Variants in NRXN3 observed in about 807,000 individuals in gnomAD.
NRXN3 encodes neurexin 3.
A neutral mutation model predicts 137.6 loss-of-function variants in NRXN3; 32 were observed. The ratio of observed to expected loss-of-function variants is 0.23; its 90% CI spans 0.18 to 0.31. The LOEUF is 0.31. Among genes scored for constraint, NRXN3 ranks in the 10% least tolerant of loss-of-function variants. The pLI, the probability that NRXN3 is intolerant of heterozygous loss-of-function variation, is 1.00. For synonymous variants in NRXN3, 798 were observed against 784.5 expected (o/e 1.02, Z -0.29); for missense variants, 1,574 against 2,062.5 (o/e 0.76, Z 4.59).
chr14:78,532,225 G>A (rs1258806442), intron 4 of NRXN3, among the ~76,000 whole-genome samples: 1 of 151,600 alleles, frequency 6.6e-6, no homozygotes, highest in Non-Finnish European at 1.5e-5. Flanking sequence ...GGAGGCTGAG[G>A]CAGGAGAATC....
In NRXN3 at chr14:78,243,070, C is replaced by T. The variant is rs1050835406; in HGVS notation, c.-24C>T. ...GCTGTTCCCTGGCCTGTCTGCTCCTCCGGGCTCTGTCCCAGCAGCGACAAT... is the reference window on the plus strand; with the variant it reads ...GCTGTTCCCTGGCCTGTCTGCTCCTTCGGGCTCTGTCCCAGCAGCGACAAT... On this transcript the variant is annotated 5_prime_UTR_variant, in exon 2 of 21. Transcript: ENST00000335750. This position sits in a 1 kb window ranked among gnomAD's most constrained non-coding sequence, Gnocchi z 4.2. 8 of 1,481,356 alleles carry T rather than the reference C, an allele frequency of 5.4e-6. No homozygotes were observed. The African/African-American group carries it at 1.1e-4, about 21-fold the overall frequency. 91.8% of individuals were successfully genotyped at this position (1,481,356 alleles called of 1,614,324 possible). A position where few individuals can be genotyped will look rare whatever the true frequency, so the allele number is the denominator to read the frequency against.
chr14:78,824,080 A>G (rs1197902159), intron 10 of NRXN3, among the ~76,000 whole-genome samples: 1 of 149,606 alleles, frequency 6.7e-6, no homozygotes, highest in Non-Finnish European at 1.5e-5. Flanking sequence ...GCTAAAGACA[A>G]TAAAGAAATG....
At chr14:79,125,474 T>G (rs1055239321) in intron 15 of NRXN3, among the ~76,000 whole-genome samples, 1 of 152,208 alleles carries the variant, frequency 6.6e-6, no homozygotes, top group Non-Finnish European at 1.5e-5. Context: ...CTTGTCTTTA[T>G]TGAACAACAA....
chr14:78,433,090 G>A (rs1567575412), intron 4 of NRXN3, among the ~76,000 whole-genome samples: 2 of 152,094 alleles, frequency 1.3e-5, no homozygotes, highest in African/African-American at 2.4e-5. Flanking sequence ...TGCCTGGGTG[G>A]GCTCTTATCT....
chr14:78,665,088 G>A (rs1192453063), intron 6 of NRXN3, among the ~76,000 whole-genome samples: 1 of 152,144 alleles, frequency 6.6e-6, no homozygotes, highest in African/African-American at 2.4e-5. Context: ...TGACCCTATG[G>A]AATTCACATT....
chr14:78,329,276 A>G lies in NRXN3; in HGVS notation c.757+31416A>G, dbSNP rs989900964. ...TGCTGTTTCTAGTTTGAAAGTGTCA[A>G]TGGGTCCACAATTTTGAGGTTGAAT... On this transcript the variant is annotated intron_variant, in intron 4 of 20. Transcript: ENST00000335750. 1.4e-4 allele frequency among the ~76,000 whole-genome samples: 22 copies of G among 152,276 alleles called. No homozygotes were observed. In the East Asian group the frequency reaches 2.3e-3, roughly 16 times the overall value.
At chr14:79,322,191 A>G (rs1224981508) in intron 15 of NRXN3, among the ~76,000 whole-genome samples, 15 of 152,240 alleles carry the variant, frequency 9.9e-5, no homozygotes, top group Non-Finnish European at 1.5e-5. Flanking sequence ...TTCAGTAATG[A>G]AACAAACTCA....
intron 15 of NRXN3, among the ~76,000 whole-genome samples, chr14:79,045,985 A>G (rs2099632547): frequency 6.6e-6 from 1 of 152,368 alleles, no homozygotes; most frequent in South Asian, 2.1e-4. Flanking sequence ...ATTTCAGGTG[A>G]TGGATATCCT....
intron 15 of NRXN3, among the ~76,000 whole-genome samples, chr14:79,142,058 G>C (rs1451751495): frequency 6.6e-6 from 1 of 152,110 alleles, no homozygotes. Flanking sequence ...ATTCTTTTGG[G>C]GGGTTCACGG....
chr14:78,408,882 C>A (rs1468578035), intron 4 of NRXN3, among the ~76,000 whole-genome samples: 1 of 152,238 alleles, frequency 6.6e-6, no homozygotes, highest in Admixed American at 6.5e-5. Context: ...AAGTTGAGAG[C>A]TGTCCTGGAA....
intron 16 of NRXN3, among the ~76,000 whole-genome samples, chr14:79,587,623 A>T (rs1331580477): frequency 6.6e-6 from 1 of 152,234 alleles, no homozygotes; most frequent in Non-Finnish European, 1.5e-5. Flanking sequence ...AGGAGAGAGA[A>T]ATCTATATGT....
At chr14:79,847,117 C>T (rs762722620) in intron 20 of NRXN3, among the ~76,000 whole-genome samples, 5 of 152,170 alleles carry the variant, frequency 3.3e-5, no homozygotes, top group Non-Finnish European at 1.5e-5. Context: ...GAATCCCAGA[C>T]AATTACAACT....
At position 79,597,005 on chromosome 14, in the gene NRXN3, G is replaced by C. The variant is rs535760480; in HGVS notation, c.3445-66773G>C. 4.6e-5 allele frequency among the ~76,000 whole-genome samples: 7 copies of C among 152,220 alleles called. No homozygotes were observed. The South Asian group carries it at 1.5e-3, about 32-fold the overall frequency. ...AGCAGTAAGTCTAAGGCATATACCA[G>C]CTTATCAGATGGATCCCCTACCTGG... On this transcript the variant is annotated intron_variant, in intron 16 of 20. Transcript: ENST00000335750.
chr14:78,758,467 A>G (rs1466063912), intron 8 of NRXN3, among the ~76,000 whole-genome samples: 1 of 152,150 alleles, frequency 6.6e-6, no homozygotes, highest in Non-Finnish European at 1.5e-5. Flanking sequence ...AGATGGAGAG[A>G]CAAAGCTTTC....
intron 15 of NRXN3, among the ~76,000 whole-genome samples, chr14:79,262,374 GAA>G (rs2077744226): frequency 6.6e-6 from 1 of 151,256 alleles, no homozygotes; most frequent in African/African-American, 2.4e-5. Context: ...ATAAGAGGAA[GAA>G]AAAGAGGGAG....
Position 78,370,342 on chromosome 14 carries a change from G to A in NRXN3, c.757+72482G>A, listed in dbSNP as rs1239552026. On this transcript the variant is annotated intron_variant, in intron 4 of 20. Transcript: ENST00000335750. Reference sequence around the variant, plus strand: ...TTTTTTTTTTTGAGTGCTGCATACTGTTTCCTCTTGAGATGTCCTTTGGCC... The same window carrying A: ...TTTTTTTTTTTGAGTGCTGCATACTATTTCCTCTTGAGATGTCCTTTGGCC... 2.0e-5 allele frequency among the ~76,000 whole-genome samples: 3 copies of A among 148,318 alleles called. No homozygotes were observed. In the South Asian group the frequency reaches 6.3e-4, roughly 31 times the overall value.
intron 15 of NRXN3, among the ~76,000 whole-genome samples, chr14:79,071,734 A>G (rs1272322790): frequency 6.6e-6 from 1 of 152,202 alleles, no homozygotes; most frequent in East Asian, 1.9e-4. Context: ...AGTTAGAAAG[A>G]ATAAATAAGA....
intron 4 of NRXN3, among the ~76,000 whole-genome samples, chr14:78,567,720 A>G (rs547419686): frequency 5.9e-5 from 9 of 152,186 alleles, no homozygotes; most frequent in Admixed American, 2.6e-4. Flanking sequence ...AATAAACATT[A>G]TTATTATTAG....
intron 8 of NRXN3, among the ~76,000 whole-genome samples, chr14:78,732,373 A>T (rs141428996): frequency 6.6e-6 from 1 of 152,336 alleles, no homozygotes; most frequent in African/African-American, 2.4e-5. Context: ...ACAATAAAAC[A>T]GTCTACTATA....
Sources: gnomAD v4.1 joint callset for allele counts (sites outside exome capture counted in the v4.1 genomes callset) on GRCh38, gnomAD v4.1.1 for gene constraint, Gnocchi (gnomAD v3.1) non-coding constraint, MANE v1.5 for transcripts, NCBI Gene and HGNC (gene_info 2026-07-23, HGNC 2026-07-21) for gene names.